The following MLC1 variants were observed in gnomAD, a reference collection of about 807,000 sequenced individuals.
MLC1 encodes the protein modulator of VRAC current 1, also known as membrane protein MLC1.
In MLC1, 32 loss-of-function variants were observed where a neutral mutation model predicts 44.7. The ratio of observed to expected loss-of-function variants is 0.72; its 90% CI spans 0.54 to 0.96. MLC1 has a LOEUF of 0.96. Ranked by LOEUF, MLC1 falls within the 40% of genes least tolerant of loss-of-function variation. The pLI, the probability that MLC1 is intolerant of heterozygous loss-of-function variation, is 0.00. For synonymous variants in MLC1, 190 were observed against 213.0 expected (o/e 0.89, Z 0.94); for missense variants, 459 against 492.2 (o/e 0.93, Z 0.64).
chr22:50,063,699 A>C (rs1601967712), intron 11 of MLC1, among the ~76,000 whole-genome samples: 9 of 86,332 alleles, frequency 1.0e-4, no homozygotes, highest in African/African-American at 1.4e-4. Context: ...CAGGCCTCTC[A>C]CCTCCCTGGC....
In MLC1 at chr22:50,083,818, C is replaced by T. The variant is rs1308523891; in HGVS notation, c.178-645G>A. Reference sequence around the variant, plus strand: ...GGACCCAGGGTCCTGGCAGAGGAAGCGAGGTCTGGGGCAGAGGGGATCTGG... The same window carrying T: ...GGACCCAGGGTCCTGGCAGAGGAAGTGAGGTCTGGGGCAGAGGGGATCTGG... On this transcript the variant is annotated intron_variant, in intron 2 of 11. Coordinates refer to ENST00000311597, the MANE Select transcript of MLC1 (RefSeq NM_015166.4). The surrounding 1 kb of genome is among the most constrained non-coding windows in gnomAD (Gnocchi z 4.6). Among the ~76,000 whole-genome samples, 3 of 152,020 alleles carry T rather than the reference C, an allele frequency of 2.0e-5. No homozygotes were observed. The highest frequency in any genetic ancestry group is 4.4e-5 in the Non-Finnish European group (3 of 67,992).
At chr22:50,081,037 G>GAAAGAAAGAAAGAAAGAAAGAAAGAA in intron 3 of MLC1, among the ~76,000 whole-genome samples, 1 of 126,862 alleles carries the variant, frequency 7.9e-6, no homozygotes, top group Non-Finnish European at 1.8e-5. Flanking sequence ...AAGAAAGAAA[G>GAAAGAAAGAAAGAAAGAAAGAAAGAA]AAAGAAAGAA....
chr22:50,064,950 A>T (rs1022439894), intron 10 of MLC1, among the ~76,000 whole-genome samples: 6 of 117,512 alleles, frequency 5.1e-5, no homozygotes, highest in African/African-American at 1.7e-4. Context: ...TTTTTGCGAC[A>T]GTCTCCCTCT....
In MLC1 at chr22:50,070,291, C is replaced by T. The variant is rs150302141; in HGVS notation, c.771+236G>A. Among the ~76,000 whole-genome samples, 43 of 152,348 alleles carry T rather than the reference C, an allele frequency of 2.8e-4. 1 individual carries two copies. In the East Asian group the frequency reaches 5.8e-3, roughly 20 times the overall value. The stretch of plus-strand genomic sequence containing the variant: ...CCTTCCAAGGGTTAGGCACAGAGAG[C>T]GCTTCCAGTGTCTACACCACCTTGT... On this transcript the variant is annotated intron_variant, in intron 9 of 11. Transcript: ENST00000311597.
In MLC1 at chr22:50,084,864, G is replaced by C. The variant is rs1177619974; in HGVS notation, c.39C>G (p.Asp13Glu). ...GGCCCCGCTCCAGCGTGGGCATCCGGTCATAGGCCAGCTCCTCTCTGAATG... is the reference window on the plus strand; with the variant it reads ...GGCCCCGCTCCAGCGTGGGCATCCGCTCATAGGCCAGCTCCTCTCTGAATG... The part of the protein sequence containing the change: ...QEPFREELAY[D>E]RMPTLERGRQ... The change falls in exon 2 of 12, where the codon GAC becomes GAG. Residue 13 changes from aspartate (D) to glutamate (E), a missense_variant. Transcript: ENST00000311597. 6.2e-7 allele frequency: 1 copy of C among 1,613,322 alleles called. No homozygotes were observed.
intron 8 of MLC1, among the ~76,000 whole-genome samples, chr22:50,071,009 CGA>C (rs2146833657): frequency 6.6e-6 from 1 of 152,310 alleles, no homozygotes; most frequent in Non-Finnish European, 1.5e-5. Context: ...GGACCACGCT[CGA>C]GAGACTCCAC....
In MLC1 at chr22:50,064,168, G is replaced by T. The variant is rs80358240; in HGVS notation, c.925C>A (p.Leu309Met). ...PSYDVLLLLL[L>M]LVLLLQAGLN... ...CCGGCCTGCAGCAGGAGCACTAGCA[G>T]CAGCAGCAGCAGCAGCACATCGTAG... Residue 309 changes from leucine (L) to methionine (M), a missense_variant, in exon 11 of 12, where the codon CTG becomes ATG. Leu to Met is a conservative substitution (Grantham distance 15). Transcript: ENST00000311597. 5.0e-6 allele frequency: 8 copies of T among 1,602,240 alleles called. No individual in the cohort carries two copies. Among genetic ancestry groups the T allele is most frequent in the Non-Finnish European group, 5.9e-6 (7 of 1,178,754 alleles).
At chr22:50,074,159 C>T in intron 8 of MLC1, 57 bp downstream of exon 8, 2 of 1,442,528 alleles carry the variant, frequency 1.4e-6, no homozygotes, top group East Asian at 2.3e-5. Context: ...CCCAGCCACG[C>T]AGGATCTGAG....
At chr22:50,081,176 C>A (rs2062131291) in intron 3 of MLC1, among the ~76,000 whole-genome samples, 1 of 151,870 alleles carries the variant, frequency 6.6e-6, no homozygotes, top group Non-Finnish European at 1.5e-5. Context: ...CCCATCTCTA[C>A]TAAAAATACA....
At chr22:50,075,267 G>A (rs927069349) in intron 7 of MLC1, among the ~76,000 whole-genome samples, 12 of 152,152 alleles carry the variant, frequency 7.9e-5, no homozygotes, top group East Asian at 7.7e-4. Context: ...ACCTGCTCCC[G>A]TGAAGGATCT....
chr22:50,067,614 C>T (rs1601989721), intron 10 of MLC1, among the ~76,000 whole-genome samples: 1 of 79,414 alleles, frequency 1.3e-5, no homozygotes, highest in Non-Finnish European at 2.4e-5. Flanking sequence ...GTGACTCCAT[C>T]CCCCATCAGT....
chr22:50,077,484 G>C lies in MLC1; in HGVS notation c.442C>G (p.Leu148Val). The C allele has an allele frequency of 1.2e-6, 2 of 1,613,668 alleles. No individual in the cohort carries two copies. Among genetic ancestry groups the C allele is most frequent in the Non-Finnish European group, 1.7e-6 (2 of 1,179,988 alleles). ...ATGAGCAGCTCCAGCAGGAGCAGCA[G>C]GATGAGGTTGAAGTTGATCTGCCAA... is the stretch of plus-strand genomic sequence containing the variant. ...SAININFNLI[L>V]LLLLELLMAA... The change falls in exon 6 of 12, where the codon CTG (leucine) becomes GTG (valine). Residue 148 changes from leucine (L) to valine (V), a missense_variant. Leu to Val is a conservative substitution (Grantham distance 32). Transcript: ENST00000311597.
At chr22:50,064,930 A>G (rs5771141) in intron 10 of MLC1, among the ~76,000 whole-genome samples, 18,689 of 152,182 alleles carry the variant, frequency 0.12, 1,280 homozygotes, top group South Asian at 0.22. Context: ...TCAAGTTAAC[A>G]TAAAACTTTT....
Position 50,080,329 on chromosome 22 carries a change from G to A in MLC1, c.321+15C>T, listed in dbSNP as rs1321961027. 6.2e-7 allele frequency: 1 copy of A among 1,603,072 alleles called. No individual in the cohort carries two copies. The highest frequency in any genetic ancestry group is 1.1e-5 in the South Asian group (1 of 88,882). ...GCTTTCTCCCTGGCAGAGGCTGCCT[G>A]CAAGCTAGACTCACCACATTGGCGT... On this transcript the variant is annotated intron_variant, in intron 4 of 11. Coordinates refer to ENST00000311597, the MANE Select transcript of MLC1 (RefSeq NM_015166.4).
chr22:50,063,298 C>A (rs1156789514), intron 11 of MLC1, among the ~76,000 whole-genome samples: 3 of 151,920 alleles, frequency 2.0e-5, no homozygotes, highest in Admixed American at 2.0e-4. Flanking sequence ...CATAGTGAAA[C>A]CCCATCTCTA....
intron 5 of MLC1, 151 bp from the exon 6 acceptor site, chr22:50,077,653 T>G: frequency 1.4e-6 from 1 of 696,922 alleles, no homozygotes; most frequent in South Asian, 1.5e-5. Flanking sequence ...TGAGGCACTG[T>G]GGGCTGCACA....
At chr22:50,081,651 C>T (rs1263844047) in intron 3 of MLC1, among the ~76,000 whole-genome samples, 2 of 152,248 alleles carry the variant, frequency 1.3e-5, no homozygotes, top group African/African-American at 4.8e-5. Context: ...GGGCTGAGCA[C>T]AGCAGTGCTG....
chr22:50,072,292 C>T (rs954000745), intron 8 of MLC1, among the ~76,000 whole-genome samples: 1 of 152,206 alleles, frequency 6.6e-6, no homozygotes, highest in Non-Finnish European at 1.5e-5. Context: ...CTGGAAGGGT[C>T]CAGGCCTGCA....
intron 6 of MLC1, among the ~76,000 whole-genome samples, 199 bp from the exon 7 acceptor site, chr22:50,077,111 G>A (rs919268778): frequency 4.6e-5 from 7 of 152,228 alleles, no homozygotes; most frequent in East Asian, 1.9e-4. Context: ...AGCAGATGTG[G>A]TGTCTCCTGG....
Sources: allele counts gnomAD v4.1 joint callset (sites outside exome capture counted in the v4.1 genomes callset), GRCh38; gene constraint gnomAD v4.1.1; non-coding constraint Gnocchi (gnomAD v3.1); transcripts MANE v1.5; gene names NCBI Gene and HGNC (gene_info 2026-07-23, HGNC 2026-07-21).